ANKRD12: variants seen among roughly 807,000 people sequenced by gnomAD.
ANKRD12 encodes the protein ankyrin repeat domain 12, also known as ankyrin repeat domain-containing protein 12.
In ANKRD12, 85 loss-of-function variants were observed where a neutral mutation model predicts 183.4. The ratio of observed to expected loss-of-function variants is 0.46; its 90% CI spans 0.39 to 0.56. The LOEUF is 0.56. Ranked by LOEUF, ANKRD12 falls within the 20% of genes least tolerant of loss-of-function variation. The pLI is 0.00. For synonymous variants in ANKRD12, 914 were observed against 800.2 expected (o/e 1.14, Z -2.40); for missense variants, 2,405 against 2,357.1 (o/e 1.02, Z -0.42).
intron 9 of ANKRD12, among the ~76,000 whole-genome samples, chr18:9,261,677 A>T (rs2038973256): frequency 6.6e-6 from 1 of 152,206 alleles, no homozygotes; most frequent in African/African-American, 2.4e-5. Context: ...TTACTTTTGC[A>T]CCAACCTAGA....
At chr18:9,161,381 T>A (rs2031391333) in intron 1 of ANKRD12, among the ~76,000 whole-genome samples, 1 of 151,744 alleles carries the variant, frequency 6.6e-6, no homozygotes, top group Non-Finnish European at 1.5e-5. Flanking sequence ...TTATTTATTT[T>A]TATTATTTTT....
At position 9,281,245 on chromosome 18, in the gene ANKRD12, T is replaced by C. The variant is rs2040095919; in HGVS notation, c.*119T>C. On this transcript the variant is annotated 3_prime_UTR_variant, in exon 13 of 13. Transcript: ENST00000262126. ...TACAATTGTTAGTAAAGTTCGATTA[T>C]AGTTGGTTATGTAGTAAACACTGTC... 7.3e-6 allele frequency: 6 copies of C among 818,266 alleles called. No individual in the cohort carries two copies. In the South Asian group the frequency reaches 1.2e-4, roughly 17 times the overall value. The allele number at this position is 818,266 out of a possible 1,614,324, so 50.7% of individuals were successfully genotyped here. A position where few individuals can be genotyped will look rare whatever the true frequency, so the allele number is the denominator to read the frequency against.
intron 8 of ANKRD12, among the ~76,000 whole-genome samples, chr18:9,226,114 A>G (rs1054152152): frequency 5.9e-5 from 9 of 152,264 alleles, no homozygotes; most frequent in African/African-American, 1.4e-4. Flanking sequence ...GTATAATCCA[A>G]CACCATCAAG....
At chr18:9,201,464 C>A (rs1177822758) in intron 3 of ANKRD12, among the ~76,000 whole-genome samples, 4 of 152,172 alleles carry the variant, frequency 2.6e-5, no homozygotes, top group Non-Finnish European at 5.9e-5. Flanking sequence ...ATTAAGACAT[C>A]TTTGCAGATT....
chr18:9,231,635 T>G (rs1040988326), intron 8 of ANKRD12, among the ~76,000 whole-genome samples: 1 of 151,784 alleles, frequency 6.6e-6, no homozygotes, highest in Non-Finnish European at 1.5e-5. Context: ...AAACCATCCT[T>G]GCTAACAGTG....
At position 9,214,882 on chromosome 18, in the gene ANKRD12, G is replaced by T. The variant is rs143194760; in HGVS notation, c.653-1876G>T. Among the ~76,000 whole-genome samples the T allele has an allele frequency of 6.8e-3, 1,031 of 152,218 alleles. 12 individuals are homozygous for T. The highest frequency in any genetic ancestry group is 0.023 in the African/African-American group (968 of 41,544). On this transcript the variant is annotated intron_variant, in intron 6 of 12. Coordinates refer to ENST00000262126, the MANE Select transcript of ANKRD12 (RefSeq NM_015208.5). ...TCATGCAGCTTTTATGCGAATGCAA[G>T]ATTGCTATAAAAAAGGCGTACCTAT...
chr18:9,267,122 C>T (rs1262846235), intron 10 of ANKRD12, among the ~76,000 whole-genome samples: 1 of 152,088 alleles, frequency 6.6e-6, no homozygotes, highest in Non-Finnish European at 1.5e-5. Flanking sequence ...TAAAGCAAGT[C>T]CTTAGAGACC....
chr18:9,247,768 A>G (rs540090578), intron 8 of ANKRD12, among the ~76,000 whole-genome samples: 5 of 151,302 alleles, frequency 3.3e-5, no homozygotes, highest in East Asian at 1.9e-4. Flanking sequence ...TTGCATCTCC[A>G]TAGTTTTGGG....
rs781228468 is a variant in ANKRD12 at position 9,257,958 on chromosome 18, A to G, written c.4691A>G (p.Tyr1564Cys). 1 of 1,613,948 alleles carries G rather than the reference A, an allele frequency of 6.2e-7. No individual in the cohort carries two copies. Among genetic ancestry groups the G allele is most frequent in the East Asian group, 2.2e-5 (1 of 44,876 alleles). ...VQKTDAFVPV[Y>C]SDSTIQEASP... ...AAAACAGATGCCTTTGTCCCAGTGTACTCTGACAGCACTATTCAAGAAGCA... is the reference window on the plus strand; with the variant it reads ...AAAACAGATGCCTTTGTCCCAGTGTGCTCTGACAGCACTATTCAAGAAGCA... The change falls in exon 9 of 13, where the codon TAC (tyrosine) becomes TGC (cysteine). Residue 1564 changes from tyrosine (Y) to cysteine (C), a missense_variant. Physicochemically the swap from Tyr to Cys is radical, Grantham distance 194 (BLOSUM62 -2). Coordinates refer to ENST00000262126, the MANE Select transcript of ANKRD12 (RefSeq NM_015208.5).
intron 6 of ANKRD12, among the ~76,000 whole-genome samples, chr18:9,216,098 A>G (rs1276018978): frequency 6.6e-6 from 1 of 151,324 alleles, no homozygotes; most frequent in South Asian, 2.1e-4. Context: ...GGAGGGTGGC[A>G]CTGTATTAAA....
Position 9,275,648 on chromosome 18 carries a change from A to G in ANKRD12, c.5888A>G (p.Asn1963Ser), listed in dbSNP as rs1334593068. 7.5e-6 allele frequency: 12 copies of G among 1,594,180 alleles called. No homozygotes were observed. The highest frequency in any genetic ancestry group is 3.4e-5 in the South Asian group (3 of 88,666). ...GTTTTGCTGGATGCCGAAGTATACAATGTACCATTGGACTCTCAGGTAAAA... is the reference window on the plus strand; with the variant it reads ...GTTTTGCTGGATGCCGAAGTATACAGTGTACCATTGGACTCTCAGGTAAAA... ...CTVLLDAEVY[N>S]VPLDSQSDDS... Residue 1963 changes from asparagine (N) to serine (S), a missense_variant, in exon 11 of 13, where the codon AAT (asparagine) becomes AGT (serine). This residue lies in a region of ANKRD12 where 162 missense variants were observed against 272.2 expected (regional missense o/e 0.60). Coordinates refer to ENST00000262126, the MANE Select transcript of ANKRD12 (RefSeq NM_015208.5).
At chr18:9,175,980 T>C (rs2033233309) in intron 1 of ANKRD12, among the ~76,000 whole-genome samples, 1 of 152,232 alleles carries the variant, frequency 6.6e-6, no homozygotes, top group Non-Finnish European at 1.5e-5. Context: ...AATTTAGTTA[T>C]TGTACTAAGA....
intron 12 of ANKRD12, 54 bp from the exon 13 acceptor site, chr18:9,280,887 A>G: frequency 6.4e-7 from 1 of 1,560,006 alleles, no homozygotes; most frequent in Non-Finnish European, 8.7e-7. Flanking sequence ...ATTAATTTTT[A>G]AACAAAGCAA....
Position 9,256,032 on chromosome 18 carries a change from T to G in ANKRD12, c.2765T>G (p.Leu922Arg), listed in dbSNP as rs768633185. 62 of 1,560,572 alleles carry G rather than the reference T, an allele frequency of 4.0e-5. No homozygotes were observed. Among genetic ancestry groups the G allele is most frequent in the Non-Finnish European group, 4.2e-5 (49 of 1,160,720 alleles). ...GAAAAGCCTGAAAAAGAGAGGCATC[T>G]AGCAGAAAGCAAAGAAAAGCACTTG... ...DKEKPEKERH[L>R]AESKEKHLME... The change falls in exon 9 of 13, where the codon CTA (leucine) becomes CGA (arginine). Residue 922 changes from leucine to arginine, a missense_variant. Leu to Arg is a moderately radical substitution (Grantham distance 102). This residue lies in a region of ANKRD12 where 1,983 missense variants were observed against 1,725.9 expected (regional missense o/e 1.15). Transcript: ENST00000262126.
At chr18:9,250,423 T>C (rs2038221424) in intron 8 of ANKRD12, among the ~76,000 whole-genome samples, 1 of 152,018 alleles carries the variant, frequency 6.6e-6, no homozygotes, top group Non-Finnish European at 1.5e-5. Context: ...AAAACGGATT[T>C]AAGAGAGAGT....
At chr18:9,204,291 T>C (rs886068764) in intron 3 of ANKRD12, among the ~76,000 whole-genome samples, 185 bp from the exon 4 acceptor site, 1 of 152,256 alleles carries the variant, frequency 6.6e-6, no homozygotes, top group Non-Finnish European at 1.5e-5. Flanking sequence ...TTGAAAAATT[T>C]GAAATATTAG....
At position 9,283,558 on chromosome 18, in the gene ANKRD12, T is replaced by C. The variant is rs1198945573; in HGVS notation, c.*2432T>C. The C allele has an allele frequency of 1.3e-5, 2 of 152,626 alleles. No homozygotes were observed. Among genetic ancestry groups the C allele is most frequent in the East Asian group, 3.8e-4 (2 of 5,208 alleles). The allele number at this position is 152,626 out of a possible 1,614,324, so 9.5% of individuals were successfully genotyped here. ...CTAGAAAAAAATTTGGAATGGAGTATATGCCTGAAAAGGTTTTGGATTCAG... is the reference window on the plus strand; with the variant it reads ...CTAGAAAAAAATTTGGAATGGAGTACATGCCTGAAAAGGTTTTGGATTCAG... On this transcript the variant is annotated 3_prime_UTR_variant, in exon 13 of 13. Coordinates refer to ENST00000262126, the MANE Select transcript of ANKRD12 (RefSeq NM_015208.5).
In ANKRD12 at chr18:9,207,088, A is replaced by G. The variant is rs970587309; in HGVS notation, c.305-1569A>G. Reference sequence around the variant, plus strand: ...AGATTTGTTATTCAAATGGAAAACTATTAAAACAACAACACTTGTAGTTGC... The same window carrying G: ...AGATTTGTTATTCAAATGGAAAACTGTTAAAACAACAACACTTGTAGTTGC... On this transcript the variant is annotated intron_variant, in intron 4 of 12. Coordinates refer to ENST00000262126, the MANE Select transcript of ANKRD12 (RefSeq NM_015208.5). 6.6e-5 allele frequency among the ~76,000 whole-genome samples: 10 copies of G among 152,244 alleles called. No individual in the cohort carries two copies. In the East Asian group the frequency reaches 1.9e-3, roughly 29 times the overall value.
chr18:9,267,205 A>G (rs1481264822), intron 10 of ANKRD12, among the ~76,000 whole-genome samples: 1 of 152,218 alleles, frequency 6.6e-6, no homozygotes, highest in Non-Finnish European at 1.5e-5. Context: ...TCAACATTAG[A>G]CAGATCAACG....
Sources: gnomAD v4.1 joint callset for allele counts (sites outside exome capture counted in the v4.1 genomes callset) on GRCh38, gnomAD v4.1.1 for gene constraint, gnomAD v4.1.1 regional missense constraint, MANE v1.5 for transcripts, NCBI Gene and HGNC (gene_info 2026-07-23, HGNC 2026-07-21) for gene names.